The following SEPTIN3 variants were observed in gnomAD, a reference collection of about 807,000 sequenced individuals.
The protein encoded by SEPTIN3 is neuronal-specific septin-3.
In SEPTIN3, 15 loss-of-function variants were observed where a neutral mutation model predicts 45.1. That is an observed-to-expected ratio of 0.33 (90% confidence interval 0.22 to 0.51). The LOEUF (loss-of-function observed/expected upper bound fraction) is 0.51, where lower values mean the gene tolerates loss of function less well. SEPTIN3 is among the 20% of genes least tolerant of loss of function. The pLI, the probability that SEPTIN3 is intolerant of heterozygous loss-of-function variation, is 0.97. For missense variants in SEPTIN3, 289 were observed against 457.2 expected (o/e 0.63, Z 3.35); for synonymous variants, 148 against 164.8 (o/e 0.90, Z 0.78).
At chr22:41,983,959 G>C (rs1478761768) in intron 3 of SEPTIN3, among the ~76,000 whole-genome samples, 2 of 152,118 alleles carry the variant, frequency 1.3e-5, no homozygotes, top group Admixed American at 1.3e-4. Flanking sequence ...ATTAATGAAT[G>C]AATGCTCTTA....
In SEPTIN3 at chr22:41,997,886, T is replaced by C. The variant is rs1172925657; in HGVS notation, c.*919T>C. ...AAGCCCCCCATCAGATGCATGAATG[T>C]TTGCGAATGTTGACTGCCACTGCCC... is the stretch of plus-strand genomic sequence containing the variant. On this transcript the variant is annotated 3_prime_UTR_variant, in exon 12 of 12. Coordinates refer to ENST00000644076, the MANE Select transcript of SEPTIN3 (RefSeq NM_001363845.2). The C allele has an allele frequency of 1.3e-5, 2 of 152,570 alleles. No homozygotes were observed. The highest frequency in any genetic ancestry group is 4.8e-5 in the African/African-American group (2 of 41,404). 9.5% of individuals were successfully genotyped at this position (152,570 alleles called of 1,614,324 possible). A position where few individuals can be genotyped will look rare whatever the true frequency, so the allele number is the denominator to read the frequency against.
rs545338961 is a variant in SEPTIN3 at position 41,996,469 on chromosome 22, G to GA, written c.2506-425dup. The GA allele has an allele frequency of 5.1e-4, 508 of 990,650 alleles. 2 individuals carry two copies. In the African/African-American group the frequency reaches 8.3e-3, roughly 16 times the overall value. 61.4% of individuals were successfully genotyped at this position (990,650 alleles called of 1,614,324 possible). The stretch of plus-strand genomic sequence containing the variant: ...CAGTCTTTTATCACTCAGGTGCTAG[G>GA]AAAAAAAACATAGACTCAAGACCCA... On this transcript the variant is annotated intron_variant, in intron 11 of 11. Coordinates refer to ENST00000644076, the MANE Select transcript of SEPTIN3 (RefSeq NM_001363845.2).
At chr22:41,975,307 A>G (rs2078007037) in intron 2 of SEPTIN3, among the ~76,000 whole-genome samples, 2 of 152,164 alleles carry the variant, frequency 1.3e-5, no homozygotes, top group East Asian at 1.9e-4. Context: ...CTCATTCCCA[A>G]CATTTCAAGG....
intron 2 of SEPTIN3, among the ~76,000 whole-genome samples, chr22:41,973,591 TGAACCCGGGA>T (rs2077982282): frequency 6.6e-6 from 1 of 150,580 alleles, no homozygotes; most frequent in South Asian, 2.1e-4. Context: ...GAGAATGGCG[TGAACCCGGGA>T]GGTGGAGCTT....
chr22:41,988,866 C>T (rs982975315), intron 6 of SEPTIN3, among the ~76,000 whole-genome samples: 4 of 152,126 alleles, frequency 2.6e-5, no homozygotes, highest in Non-Finnish European at 4.4e-5. Flanking sequence ...TGGCTCTCGC[C>T]TATAATCCCA....
intron 3 of SEPTIN3, among the ~76,000 whole-genome samples, chr22:41,984,845 CTTTTTTTTTT>C (rs11380985): frequency 6.0e-5 from 6 of 100,660 alleles, no homozygotes; most frequent in East Asian, 9.3e-4. Flanking sequence ...GTGGTTTTCC[CTTTTTTTTTT>C]TTTTTTTTTT....
chr22:41,987,120 C>T, intron 4 of SEPTIN3, 86 bp from the exon 5 acceptor site: 1 of 1,008,200 alleles, frequency 9.9e-7, no homozygotes, highest in South Asian at 1.6e-5. Context: ...AAGACAAGGC[C>T]TGGGTCTCCC....
intron 2 of SEPTIN3, among the ~76,000 whole-genome samples, chr22:41,977,298 A>G (rs2078044853): frequency 6.6e-6 from 1 of 152,062 alleles, no homozygotes; most frequent in Non-Finnish European, 1.5e-5. Context: ...CGGACACGCA[A>G]GCAGGGACCC....
Position 41,985,969 on chromosome 22 carries a change from C to A in SEPTIN3, c.1697-15C>A. 1 of 1,596,994 alleles carries A rather than the reference C, an allele frequency of 6.3e-7. No individual in the cohort carries two copies. On this transcript the variant is annotated splice_polypyrimidine_tract_variant and intron_variant, in intron 3 of 11. Transcript: ENST00000644076. ...ATGCAGAGTCTCCCTACCTCCTCCT[C>A]CTGCTTTGCTGTAGGCCAGAGTGGA...
At chr22:41,992,469 A>C (rs1301708615) in intron 8 of SEPTIN3, among the ~76,000 whole-genome samples, 195 bp from the exon 9 acceptor site, 3 of 152,234 alleles carry the variant, frequency 2.0e-5, no homozygotes, top group African/African-American at 4.8e-5. Flanking sequence ...GACTAGACCC[A>C]GGACTCTTCA....
chr22:41,985,552 T>G, intron 3 of SEPTIN3: 1 of 162,918 alleles, frequency 6.1e-6, no homozygotes, highest in Middle Eastern at 2.8e-3. Context: ...AGGGCTGATA[T>G]AAAAATGAAT....
chr22:41,997,198 C>A lies in SEPTIN3; in HGVS notation c.*231C>A. On this transcript the variant is annotated 3_prime_UTR_variant, in exon 12 of 12. Coordinates refer to ENST00000644076, the MANE Select transcript of SEPTIN3 (RefSeq NM_001363845.2). ...TGCCAGTACAGCCCTACTGCATCAT[C>A]TGCGTCAGCCGGTCCTAGCCCATCT... is the stretch of plus-strand genomic sequence containing the variant. 1 of 730,580 alleles carries A rather than the reference C, an allele frequency of 1.4e-6. No homozygotes were observed. Among genetic ancestry groups the A allele is most frequent in the Non-Finnish European group, 2.1e-6 (1 of 466,298 alleles). The allele number at this position is 730,580 out of a possible 1,614,324, so 45.3% of individuals were successfully genotyped here.
At chr22:41,991,352 C>T (rs2078313385) in intron 7 of SEPTIN3, among the ~76,000 whole-genome samples, 1 of 152,184 alleles carries the variant, frequency 6.6e-6, no homozygotes, top group South Asian at 2.1e-4. Flanking sequence ...GTTGCACCTC[C>T]TGGCCTCTTC....
rs868223858 is a variant in SEPTIN3, at chr22:41,987,437, C to A, written c.1907+150C>A. On this transcript the variant is annotated intron_variant, in intron 5 of 11. Transcript: ENST00000644076. ...GGCCAGGGCCCCTGGGGAGCTCCAC[C>A]CCTGCTAACTAACCATCCAGGAAAG... The A allele has an allele frequency of 1.1e-5, 12 of 1,083,532 alleles. No homozygotes were observed. The Middle Eastern group carries it at 1.3e-3, about 114-fold the overall frequency. The allele number at this position is 1,083,532 out of a possible 1,614,324, so 67.1% of individuals were successfully genotyped here.
chr22:41,976,998 C>T lies in SEPTIN3; in HGVS notation c.1504+4002C>T. The T allele has an allele frequency of 5.2e-6, 8 of 1,543,356 alleles. No homozygotes were observed. Among genetic ancestry groups the T allele is most frequent in the Non-Finnish European group, 6.1e-6 (7 of 1,145,272 alleles). On this transcript the variant is annotated intron_variant, in intron 2 of 11. Transcript: ENST00000644076. This position sits in a 1 kb window ranked among gnomAD's most constrained non-coding sequence, Gnocchi z 5.8. ...GCCGCTCGGCCCGGGGAAGCCCGCG[C>T]CCCGCTCAGCCTTGCAGCCCCGCGC...
Position 41,970,948 on chromosome 22 carries a change from T to G in SEPTIN3, c.-19-526T>G, listed in dbSNP as rs552254437. 6.6e-5 allele frequency among the ~76,000 whole-genome samples: 10 copies of G among 152,298 alleles called. No homozygotes were observed. In the South Asian group the frequency reaches 2.1e-3, roughly 32 times the overall value. ...CAGGGCTCTTTCTTGGTTCTGGGGC[T>G]CTAAGCCAAATTGGTCCTCTCTCAT... is the stretch of plus-strand genomic sequence containing the variant. On this transcript the variant is annotated intron_variant, in intron 1 of 11. Transcript: ENST00000644076.
Position 41,992,698 on chromosome 22 carries a change from A to T in SEPTIN3, c.2294A>T (p.Asp765Val). 6.2e-7 allele frequency: 1 copy of T among 1,611,622 alleles called. No individual in the cohort carries two copies. The highest frequency in any genetic ancestry group is 8.5e-7 in the Non-Finnish European group (1 of 1,178,908). ...ATGCCTTTTGCTGTGGTGGGAAGTG[A>T]CAAGGAGTACCAAGTGAATGGCAAG... Reference protein sequence around the residue: ...ESMPFAVVGSDKEYQVNGKRV... With the variant: ...ESMPFAVVGSVKEYQVNGKRV... The change falls in exon 9 of 12, where the codon GAC (aspartate) becomes GTC (valine). Residue 765 changes from aspartate (D) to valine (V), a missense_variant. Physicochemically the swap from Asp to Val is radical, Grantham distance 152 (BLOSUM62 -3). This residue lies in a region of SEPTIN3 where 84 missense variants were observed against 114.7 expected (regional missense o/e 0.73). Transcript: ENST00000644076.
At chr22:41,993,337 T>G (rs1047100808) in intron 9 of SEPTIN3, among the ~76,000 whole-genome samples, 1 of 152,022 alleles carries the variant, frequency 6.6e-6, no homozygotes, top group Non-Finnish European at 1.5e-5. Flanking sequence ...GATTTTTTTT[T>G]TTTTTGAGAC....
At position 41,996,903 on chromosome 22, in the gene SEPTIN3, G is replaced by C. The variant is rs756593251; in HGVS notation, c.2507G>C (p.Gly836Ala). Residue 836 changes from glycine (G) to alanine (A), a missense_variant and splice_region_variant, in exon 12 of 12, where the codon GGA becomes GCA. Around this residue, in one of 3 missense-constraint regions of SEPTIN3, gnomAD observed 84 missense variants for 114.7 expected, o/e 0.73. Coordinates refer to ENST00000644076, the MANE Select transcript of SEPTIN3 (RefSeq NM_001363845.2). ...CAACCGTTCTCAACCCCCCTGCAGG[G>C]AGAAGGCCTCCTGGGCACTGTCCTT... ...RLNDNGGLPP[G>A]EGLLGTVLPP... The C allele has an allele frequency of 1.9e-6, 3 of 1,614,000 alleles. No homozygotes were observed. The highest frequency in any genetic ancestry group is 2.5e-6 in the Non-Finnish European group (3 of 1,179,912).
Sources: gnomAD v4.1 joint callset for allele counts (sites outside exome capture counted in the v4.1 genomes callset) on GRCh38, gnomAD v4.1.1 for gene constraint, gnomAD v4.1.1 regional missense constraint, Gnocchi (gnomAD v3.1) non-coding constraint, MANE v1.5 for transcripts, NCBI Gene and HGNC (gene_info 2026-07-23, HGNC 2026-07-21) for gene names.